The following RALGAPA2 variants were observed in gnomAD, a reference collection of about 807,000 sequenced individuals.
The protein encoded by RALGAPA2 is Ral GTPase activating protein catalytic subunit alpha 2.
A neutral mutation model predicts 230.4 loss-of-function variants in RALGAPA2; 139 were observed. That is an observed-to-expected ratio of 0.60 (90% CI 0.53 to 0.69). The LOEUF (loss-of-function observed/expected upper bound fraction) is 0.69. Ranked by LOEUF, RALGAPA2 falls within the 30% of genes least tolerant of loss-of-function variation. The probability of loss-of-function intolerance (pLI) is 0.00; values close to 1 mark genes in which losing one functional copy is unlikely to be tolerated. For synonymous variants in RALGAPA2, 847 were observed against 837.8 expected (o/e 1.01, Z -0.19); for missense variants, 2,163 against 2,276.0 (o/e 0.95, Z 1.01).
intron 1 of RALGAPA2, among the ~76,000 whole-genome samples, chr20:20,699,172 T>C (rs1321067338): frequency 6.6e-6 from 1 of 152,374 alleles, no homozygotes; most frequent in Non-Finnish European, 1.5e-5. Flanking sequence ...TCTCCTCTTA[T>C]AAATTTCAAA....
chr20:20,527,179 ACACCTCACT>A (rs1189357799), intron 27 of RALGAPA2, among the ~76,000 whole-genome samples: 1 of 152,132 alleles, frequency 6.6e-6, no homozygotes, highest in Non-Finnish European at 1.5e-5. Flanking sequence ...TAGTCTAGGG[ACACCTCACT>A]CTAAGCCACA....
At chr20:20,634,470 A>G (rs1015761549) in intron 9 of RALGAPA2, among the ~76,000 whole-genome samples, 11 of 152,186 alleles carry the variant, frequency 7.2e-5, no homozygotes, top group African/African-American at 2.7e-4. Context: ...GATCTTAAAA[A>G]TAAGTTCTCC....
chr20:20,536,286 G>A (rs1189040163), intron 25 of RALGAPA2, among the ~76,000 whole-genome samples: 15 of 152,170 alleles, frequency 9.9e-5, no homozygotes, highest in Admixed American at 9.8e-4. Context: ...AGGCCAACAA[G>A]GGGATTGAAT....
chr20:20,683,769 G>A (rs146166537), intron 1 of RALGAPA2, among the ~76,000 whole-genome samples: 20 of 152,230 alleles, frequency 1.3e-4, no homozygotes, highest in African/African-American at 3.6e-4. Flanking sequence ...ATACAGCACC[G>A]GTTCCCACAT....
intron 1 of RALGAPA2, among the ~76,000 whole-genome samples, chr20:20,688,982 A>G (rs1468207335): frequency 6.6e-6 from 1 of 152,248 alleles, no homozygotes; most frequent in Non-Finnish European, 1.5e-5. Flanking sequence ...TTTCTAGTAA[A>G]TAGTAACATT....
At chr20:20,502,281 G>A (rs2062400002) in intron 35 of RALGAPA2, among the ~76,000 whole-genome samples, 1 of 151,570 alleles carries the variant, frequency 6.6e-6, no homozygotes, top group Non-Finnish European at 1.5e-5. Flanking sequence ...AAGCAAAACC[G>A]TACAATAAAG....
At chr20:20,582,969 C>G (rs550685360) in intron 20 of RALGAPA2, 81 bp downstream of exon 20, 574 of 1,442,912 alleles carry the variant, frequency 4.0e-4, no homozygotes, top group Non-Finnish European at 5.3e-4. Context: ...TTTCAGAACC[C>G]TCTGTATACA....
chr20:20,423,552 T>A (rs1023527006), intron 37 of RALGAPA2, among the ~76,000 whole-genome samples: 1 of 152,152 alleles, frequency 6.6e-6, no homozygotes, highest in African/African-American at 2.4e-5. Context: ...AGGCACATGC[T>A]CCACAGGTGG....
chr20:20,655,987 T>C (rs1214168746), intron 3 of RALGAPA2, among the ~76,000 whole-genome samples: 1 of 152,172 alleles, frequency 6.6e-6, no homozygotes, highest in African/African-American at 2.4e-5. Flanking sequence ...CATCCTGCCA[T>C]TTGAGGTGTC....
chr20:20,597,632 A>T (rs1312914323), intron 16 of RALGAPA2, among the ~76,000 whole-genome samples: 1 of 152,116 alleles, frequency 6.6e-6, no homozygotes, highest in South Asian at 2.1e-4. Context: ...CGAAGTCAGG[A>T]GTTCAAGACC....
At chr20:20,539,106 T>C (rs1460543863) in intron 24 of RALGAPA2, among the ~76,000 whole-genome samples, 4 of 152,190 alleles carry the variant, frequency 2.6e-5, no homozygotes, top group Middle Eastern at 3.2e-3. Flanking sequence ...GGCATTTGGA[T>C]TGGCTCTAGG....
intron 3 of RALGAPA2, among the ~76,000 whole-genome samples, chr20:20,656,488 A>G (rs1160324160): frequency 6.6e-6 from 1 of 152,228 alleles, no homozygotes; most frequent in Non-Finnish European, 1.5e-5. Context: ...TGACAGATCC[A>G]TCTATAAATT....
rs6046830 is a variant in RALGAPA2 at position 20,398,183 on chromosome 20, C to T, written c.5618-1449G>A. ...CTTTTAGAGCACCATGCCACTGACACCCTCCAGTGTGAGCAAAGGGTCTCT... is the reference window on the plus strand; with the variant it reads ...CTTTTAGAGCACCATGCCACTGACATCCTCCAGTGTGAGCAAAGGGTCTCT... On this transcript the variant is annotated intron_variant, in intron 38 of 39. Coordinates refer to ENST00000202677, the MANE Select transcript of RALGAPA2 (RefSeq NM_020343.4). The surrounding 1 kb of genome is among the most constrained non-coding windows in gnomAD (Gnocchi z 4.5). Among the ~76,000 whole-genome samples the T allele has an allele frequency of 6.1e-4, 93 of 152,302 alleles. 1 individual carries two copies. The highest frequency in any genetic ancestry group is 3.4e-3 in the Middle Eastern group (1 of 294).
At chr20:20,635,685 G>A (rs549250241) in intron 8 of RALGAPA2, 68 bp from the exon 9 acceptor site, 4 of 1,327,680 alleles carry the variant, frequency 3.0e-6, no homozygotes, top group Admixed American at 5.7e-5. Flanking sequence ...CCCTACAAAT[G>A]TTTTGGTTTC....
At chr20:20,706,970 G>A (rs2069632086) in intron 1 of RALGAPA2, among the ~76,000 whole-genome samples, 1 of 152,070 alleles carries the variant, frequency 6.6e-6, no homozygotes, top group South Asian at 2.1e-4. Context: ...ATATATGATA[G>A]CATTCTATCA....
rs369560356 is a variant in RALGAPA2 at position 20,680,756 on chromosome 20, T to C, written c.152A>G (p.Tyr51Cys). 1.3e-6 allele frequency: 2 copies of C among 1,589,098 alleles called. No individual in the cohort carries two copies. The highest frequency in any genetic ancestry group is 1.4e-5 in the African/African-American group (1 of 73,584). The change falls in exon 2 of 40, where the codon TAT becomes TGT. Residue 51 changes from tyrosine (Y) to cysteine (C), a missense_variant. Transcript: ENST00000202677. The stretch of plus-strand genomic sequence containing the variant: ...ATAGAAGATGAAATATATCTGAGAA[T>C]AGTTGGTCTCAAAAAACTGCTTAAG... ...NDLKQFFETN[Y>C]SQIYFIFYEN...
At chr20:20,466,908 T>A (rs777850611) in intron 37 of RALGAPA2, among the ~76,000 whole-genome samples, 1 of 152,244 alleles carries the variant, frequency 6.6e-6, no homozygotes, top group African/African-American at 2.4e-5. Flanking sequence ...CCTGGAAGTC[T>A]CTCATCTGTT....
At position 20,412,063 on chromosome 20, in the gene RALGAPA2, A is replaced by G. The variant is rs867543837; in HGVS notation, c.5581T>C (p.Phe1861Leu). The G allele has an allele frequency of 6.2e-7, 1 of 1,613,956 alleles. No homozygotes were observed. The highest frequency in any genetic ancestry group is 1.3e-5 in the African/African-American group (1 of 75,038). The stretch of plus-strand genomic sequence containing the variant: ...AGGGAGTAGCTGGGAGAGGGAGAAA[A>G]GACTTGGGCTGCGAAATCCTCGAAT... ...MTFEDFAAQVFSPSPSYSLSG... is the reference protein window; with the variant it reads ...MTFEDFAAQVLSPSPSYSLSG... The change falls in exon 38 of 40, where the codon TTT (phenylalanine) becomes CTT (leucine). Residue 1861 changes from phenylalanine (F) to leucine (L), a missense_variant. Coordinates refer to ENST00000202677, the MANE Select transcript of RALGAPA2 (RefSeq NM_020343.4).
At chr20:20,695,657 C>T (rs2069083331) in intron 1 of RALGAPA2, among the ~76,000 whole-genome samples, 1 of 152,212 alleles carries the variant, frequency 6.6e-6, no homozygotes, top group Non-Finnish European at 1.5e-5. Flanking sequence ...CTGTATGTAG[C>T]TAACCTAATA....
Sources: allele counts gnomAD v4.1 joint callset (sites outside exome capture counted in the v4.1 genomes callset), GRCh38; gene constraint gnomAD v4.1.1; non-coding constraint Gnocchi (gnomAD v3.1); transcripts MANE v1.5; gene names NCBI Gene and HGNC (gene_info 2026-07-23, HGNC 2026-07-21).